The following NCOA1 variants were observed in gnomAD, a reference collection of about 807,000 sequenced individuals.
NCOA1 encodes the protein nuclear receptor coactivator 1, also known as Hin-2 protein.
Under a neutral mutation model 150.9 loss-of-function variants are expected in NCOA1, and 35 were observed. The ratio of observed to expected loss-of-function variants is 0.23; its 90% CI spans 0.18 to 0.31. The LOEUF is 0.31. Among genes scored for constraint, NCOA1 ranks in the 10% least tolerant of loss-of-function variants. The pLI is 1.00. For missense variants in NCOA1, 1,491 were observed against 1,749.3 expected, an observed-to-expected ratio of 0.85 and a Z score of 2.63; for synonymous variants, 590 against 630.0, an observed-to-expected ratio of 0.94 and a Z score of 0.95.
At chr2:24,500,740 C>T (rs771018184) in intron 1 of NCOA1, among the ~76,000 whole-genome samples, 34 of 152,202 alleles carry the variant, frequency 2.2e-4, no homozygotes, top group Non-Finnish European at 4.7e-4. Flanking sequence ...TTTTGTGAAA[C>T]GTGGCTATAA....
At chr2:24,617,617 G>T (rs1424896620) in intron 3 of NCOA1, among the ~76,000 whole-genome samples, 1 of 152,042 alleles carries the variant, frequency 6.6e-6, no homozygotes, top group Admixed American at 6.6e-5. Context: ...CATGATTAAT[G>T]TGTACGTAAC....
At chr2:24,503,863 T>TACAA (rs1167831492) in intron 1 of NCOA1, among the ~76,000 whole-genome samples, 5 of 151,838 alleles carry the variant, frequency 3.3e-5, no homozygotes, top group African/African-American at 1.2e-4. Context: ...GCCTCCCGAG[T>TACAA]AGCTGGGATT....
Position 24,739,502 on chromosome 2 carries a change from G to C in NCOA1, c.3272G>C (p.Arg1091Thr). ...AATAPVGINM[R>T]SGMQQQITPQ... is the part of the protein sequence containing the mutation. ...ACTGCTCCTGTTGGCATCAATATGA[G>C]ATCAGGCATGCAACAGCAAATTACA... is the stretch of plus-strand genomic sequence containing the variant. The change falls in exon 18 of 23, where the codon AGA becomes ACA. Residue 1091 changes from arginine (R) to threonine (T), a missense_variant. Transcript: ENST00000348332. 1.2e-6 allele frequency: 2 copies of C among 1,613,914 alleles called. No homozygotes were observed. Among genetic ancestry groups the C allele is most frequent in the Non-Finnish European group, 1.7e-6 (2 of 1,179,836 alleles).
rs56295138 is a variant in NCOA1 at position 24,742,941 on chromosome 2, C to T, written c.3706+755C>T. On this transcript the variant is annotated intron_variant, in intron 19 of 22. Transcript: ENST00000348332. ...TCTCAGCTGCTGCTGTTGCAGCTTC[C>T]TCTCCAATGTCAGTCAACTTTCTGG... is the stretch of plus-strand genomic sequence containing the variant. Among the ~76,000 whole-genome samples, 1,347 of 152,288 alleles carry T rather than the reference C, an allele frequency of 8.8e-3. 27 individuals are homozygous for T. Among genetic ancestry groups the T allele is most frequent in the African/African-American group, 0.031 (1,279 of 41,554 alleles).
At chr2:24,623,574 C>T (rs1669271654) in intron 3 of NCOA1, among the ~76,000 whole-genome samples, 1 of 152,024 alleles carries the variant, frequency 6.6e-6, no homozygotes, top group Admixed American at 6.6e-5. Flanking sequence ...GTCTGCACAC[C>T]CCTCGGAGGG....
intron 14 of NCOA1, among the ~76,000 whole-genome samples, chr2:24,716,594 T>C (rs1674058728): frequency 2.0e-5 from 3 of 152,154 alleles, no homozygotes; most frequent in Admixed American, 2.0e-4. Flanking sequence ...AAGTTAAAAC[T>C]ATAAAGCTTT....
At position 24,586,275 on chromosome 2, in the gene NCOA1, C is replaced by CAA. The variant is rs34590281; in HGVS notation, c.-175+1741_-175+1742dup. ...TGGGCGACAGAGCAAGACTCGGTCT[C>CAA]AAAAAAAAAAAAAAAAAAAAAAAAA... On this transcript the variant is annotated intron_variant, in intron 3 of 22. Transcript: ENST00000348332. Among the ~76,000 whole-genome samples, 641 of 66,120 alleles carry CAA rather than the reference C, an allele frequency of 9.7e-3. 26 individuals are homozygous for CAA. The highest frequency in any genetic ancestry group is 0.041 in the African/African-American group (603 of 14,606). 43.4% of individuals were successfully genotyped at this position (66,120 alleles called of 152,430 possible). A position where few individuals can be genotyped will look rare whatever the true frequency, so the allele number is the denominator to read the frequency against.
chr2:24,529,529 G>T (rs1315478137), intron 1 of NCOA1, among the ~76,000 whole-genome samples: 4 of 152,034 alleles, frequency 2.6e-5, no homozygotes, highest in African/African-American at 9.7e-5. Context: ...TTGATATAAG[G>T]TATTGCTGTG....
intron 17 of NCOA1, among the ~76,000 whole-genome samples, chr2:24,735,716 T>C (rs1221124256): frequency 6.6e-6 from 1 of 152,104 alleles, no homozygotes; most frequent in Non-Finnish European, 1.5e-5. Context: ...TGTATCTGTA[T>C]TGGTTGAGAT....
At chr2:24,676,335 A>G (rs13004645) in intron 7 of NCOA1, 67,776 of 152,048 alleles carry the variant, frequency 0.45, 16,673 homozygotes, top group Admixed American at 0.61. Context: ...CACATATACT[A>G]AAATAGGAAC....
At chr2:24,547,850 CT>C (rs2148212191) in intron 1 of NCOA1, among the ~76,000 whole-genome samples, 1 of 151,960 alleles carries the variant, frequency 6.6e-6, no homozygotes, top group African/African-American at 2.4e-5. Flanking sequence ...TTAGCCAAGC[CT>C]GGTGGCGGGC....
chr2:24,639,906 A>ATG (rs1187967345), intron 3 of NCOA1, among the ~76,000 whole-genome samples: 38 of 19,760 alleles, frequency 1.9e-3, no homozygotes, highest in Admixed American at 4.4e-3. Flanking sequence ...AAAAAAAAGT[A>ATG]TGTGTGTGTG....
intron 1 of NCOA1, among the ~76,000 whole-genome samples, chr2:24,506,413 A>T (rs1020715849): frequency 4.6e-5 from 7 of 152,272 alleles, no homozygotes; most frequent in African/African-American, 1.7e-4. Context: ...GCTGAGCTGA[A>T]TGCTGGGAAA....
intron 13 of NCOA1, among the ~76,000 whole-genome samples, chr2:24,709,604 T>G (rs925336361): frequency 6.6e-6 from 1 of 152,246 alleles, no homozygotes; most frequent in African/African-American, 2.4e-5. Context: ...AAGGCTTACC[T>G]TTTCTTTCTC....
At chr2:24,674,123 A>ATGTGTG (rs146841550) in intron 7 of NCOA1, among the ~76,000 whole-genome samples, 67,821 of 145,270 alleles carry the variant, frequency 0.47, 17,440 homozygotes, top group Admixed American at 0.64. Context: ...ATATGTATGT[A>ATGTGTG]TGTGTGTGTG....
At chr2:24,649,143 C>T (rs1670606417) in intron 4 of NCOA1, among the ~76,000 whole-genome samples, 1 of 151,640 alleles carries the variant, frequency 6.6e-6, no homozygotes, top group African/African-American at 2.4e-5. Flanking sequence ...TAGCCAAGAC[C>T]ACACTTGAAT....
intron 2 of NCOA1, among the ~76,000 whole-genome samples, chr2:24,571,219 C>T (rs192440601): frequency 2.0e-5 from 3 of 149,684 alleles, no homozygotes; most frequent in Admixed American, 2.0e-4. Context: ...GGGGACAGTG[C>T]GTGAGGGGGT....
intron 4 of NCOA1, among the ~76,000 whole-genome samples, chr2:24,654,525 T>A (rs1347699555): frequency 6.6e-6 from 1 of 152,120 alleles, no homozygotes; most frequent in Non-Finnish European, 1.5e-5. Context: ...GATACCAAAT[T>A]ACTAAGATGA....
At chr2:24,506,410 T>C (rs1014091172) in intron 1 of NCOA1, among the ~76,000 whole-genome samples, 2 of 152,216 alleles carry the variant, frequency 1.3e-5, no homozygotes, top group Non-Finnish European at 2.9e-5. Flanking sequence ...ATGGCTGAGC[T>C]GAATGCTGGG....
Sources: gnomAD v4.1 joint callset for allele counts (sites outside exome capture counted in the v4.1 genomes callset) on GRCh38, gnomAD v4.1.1 for gene constraint, MANE v1.5 for transcripts, NCBI Gene and HGNC (gene_info 2026-07-23, HGNC 2026-07-21) for gene names.